The following FMO2 variants were observed in gnomAD, a reference collection of about 807,000 sequenced individuals.
The protein encoded by FMO2 is flavin containing dimethylaniline monoxygenase 2, also known as flavin-containing monooxygenase 2.
Under a neutral mutation model 41.6 loss-of-function variants are expected in FMO2, and 33 were observed. The observed-to-expected ratio is 0.79, with a 90% CI of 0.60 to 1.06. FMO2 has a LOEUF of 1.06. Ranked by LOEUF, FMO2 falls within the 50% of genes least tolerant of loss-of-function variation. The probability of loss-of-function intolerance (pLI) is 0.00; values close to 1 mark genes in which losing one functional copy is unlikely to be tolerated. For missense variants in FMO2, 619 were observed against 632.9 expected, an observed-to-expected ratio of 0.98 and a Z score of 0.23; for synonymous variants, 214 against 219.6, an observed-to-expected ratio of 0.97 and a Z score of 0.23.
intron 5 of FMO2, among the ~76,000 whole-genome samples, chr1:171,201,912 A>G (rs1022855316): frequency 3.9e-5 from 6 of 152,146 alleles, no homozygotes; most frequent in African/African-American, 1.4e-4. Flanking sequence ...AACCTCCCCC[A>G]TGACTGAATT....
At chr1:171,189,659 C>T (rs60680424) in intron 2 of FMO2, among the ~76,000 whole-genome samples, 34,226 of 120,224 alleles carry the variant, frequency 0.28, 5,382 homozygotes, top group East Asian at 0.46. Context: ...TTTTTCTTTT[C>T]TTTTTTTTTT....
intron 2 of FMO2, among the ~76,000 whole-genome samples, chr1:171,192,832 T>C (rs1364898057): frequency 2.0e-5 from 3 of 151,926 alleles, no homozygotes; most frequent in East Asian, 1.9e-4. Context: ...TTGACAATGA[T>C]TGATTTGTGT....
intron 3 of FMO2, 127 bp downstream of exon 3, chr1:171,193,650 A>G: frequency 1.5e-6 from 1 of 669,418 alleles, no homozygotes; most frequent in Non-Finnish European, 2.5e-6. Context: ...TTGAAATATA[A>G]CAGCCTCATA....
chr1:171,193,791 T>TTC (rs1553238038), intron 3 of FMO2, among the ~76,000 whole-genome samples: 38 of 149,504 alleles, frequency 2.5e-4, no homozygotes, highest in South Asian at 4.3e-4. Flanking sequence ...TTTTTTTTTT[T>TTC]CTCCCTGAGA....
chr1:171,205,463 C>T lies in FMO2; in HGVS notation c.1012C>T (p.Leu338Phe), dbSNP rs1658719314. Reference sequence around the variant, plus strand: ...AGGATATAGTTTCTCTTTTCCCTTCCTTGAAGATTCACTCGTTAAAGTAGA... The same window carrying T: ...AGGATATAGTTTCTCTTTTCCCTTCTTTGAAGATTCACTCGTTAAAGTAGA... Reference protein sequence around the residue: ...ATGYSFSFPFLEDSLVKVENN... With the variant: ...ATGYSFSFPFFEDSLVKVENN... Residue 338 changes from leucine (L) to phenylalanine (F), a missense_variant, in exon 7 of 9, where the codon CTT (leucine) becomes TTT (phenylalanine). Transcript: ENST00000209929. 2.5e-6 allele frequency: 4 copies of T among 1,613,718 alleles called. No individual in the cohort carries two copies. Among genetic ancestry groups the T allele is most frequent in the Admixed American group, 1.7e-5 (1 of 59,922 alleles).
intron 2 of FMO2, chr1:171,186,180 T>C (rs1348872720): frequency 5.8e-6 from 1 of 171,160 alleles, no homozygotes; most frequent in Admixed American, 5.8e-5. Context: ...TCTCAAGATA[T>C]CACTTCTGTT....
chr1:171,198,274 T>C (rs745655421), intron 4 of FMO2, among the ~76,000 whole-genome samples: 3 of 152,220 alleles, frequency 2.0e-5, no homozygotes, highest in African/African-American at 4.8e-5. Flanking sequence ...CCAACTCCTA[T>C]GTGCCTGGTT....
chr1:171,188,403 A>G (rs1296698801), intron 2 of FMO2, among the ~76,000 whole-genome samples: 2 of 152,232 alleles, frequency 1.3e-5, no homozygotes, highest in South Asian at 2.1e-4. Flanking sequence ...GGTTAAGTAT[A>G]TAACTGTGGA....
chr1:171,194,235 T>A (rs2101988944), intron 3 of FMO2, among the ~76,000 whole-genome samples: 1 of 152,354 alleles, frequency 6.6e-6, no homozygotes, highest in South Asian at 2.1e-4. Flanking sequence ...AATTCATTGG[T>A]CTCTGTTCAT....
At chr1:171,208,216 T>C (rs1658843775) in intron 8 of FMO2, among the ~76,000 whole-genome samples, 1 of 152,134 alleles carries the variant, frequency 6.6e-6, no homozygotes, top group Non-Finnish European at 1.5e-5. Context: ...AGGAAGGGGT[T>C]GGTGTGAAGG....
Position 171,211,872 on chromosome 1 carries a change from C to T in FMO2, c.*2727C>T, listed in dbSNP as rs1240843480. ...TCAACCTACTGAATGGAAATCTCTG[C>T]TGAAATCCACAGTTTTCATAAGCTC... On this transcript the variant is annotated 3_prime_UTR_variant, in exon 9 of 9. Transcript: ENST00000209929. 6.6e-6 allele frequency among the ~76,000 whole-genome samples: 1 copy of T among 152,184 alleles called. No homozygotes were observed. Among genetic ancestry groups the T allele is most frequent in the Non-Finnish European group, 1.5e-5 (1 of 68,026 alleles).
At chr1:171,202,030 C>T (rs923311520) in intron 5 of FMO2, among the ~76,000 whole-genome samples, 1 of 152,078 alleles carries the variant, frequency 6.6e-6, no homozygotes, top group Non-Finnish European at 1.5e-5. Context: ...TACTTCTGAC[C>T]AAAAACCAAA....
chr1:171,206,446 C>T (rs958866866), intron 7 of FMO2, among the ~76,000 whole-genome samples: 2 of 151,958 alleles, frequency 1.3e-5, no homozygotes, highest in African/African-American at 2.4e-5. Flanking sequence ...TAGAGCATGA[C>T]GTATGAGGCA....
intron 2 of FMO2, among the ~76,000 whole-genome samples, chr1:171,189,433 T>C (rs1225690645): frequency 6.6e-6 from 1 of 152,090 alleles, no homozygotes; most frequent in African/African-American, 2.4e-5. Flanking sequence ...GTATACCTTT[T>C]AGCTTGAAAG....
intron 5 of FMO2, among the ~76,000 whole-genome samples, chr1:171,202,964 ACAAGGTAAAGAATACACCT>A (rs1658593708): frequency 6.6e-6 from 1 of 152,174 alleles, no homozygotes; most frequent in South Asian, 2.1e-4. Flanking sequence ...ATCTTAATAA[ACAAGGTAAAGAATACACCT>A]GAAAGAGGAT....
chr1:171,185,955 T>G, intron 2 of FMO2, 110 bp downstream of exon 2: 1 of 1,168,064 alleles, frequency 8.6e-7, no homozygotes, highest in Non-Finnish European at 1.2e-6. Flanking sequence ...TGATCAGATT[T>G]TATTTCTACT....
chr1:171,203,710 CCTATTT>C (rs1658632012), intron 5 of FMO2, among the ~76,000 whole-genome samples, 149 bp from the exon 6 acceptor site: 1 of 152,108 alleles, frequency 6.6e-6, no homozygotes, highest in African/African-American at 2.4e-5. Context: ...ACTGGGTACC[CCTATTT>C]AGGAGGTACT....
At position 171,203,920 on chromosome 1, in the gene FMO2, G is replaced by T. The variant is rs962156531; in HGVS notation, c.683G>T (p.Gly228Val). ...TWVMSRISEDGYPWDSVFHTR... is the reference protein window; with the variant it reads ...TWVMSRISEDVYPWDSVFHTR... ...GTCATGAGCCGTATCTCTGAAGATGGCTATCCTTGGGACTCAGTGTTCCAC... is the reference window on the plus strand; with the variant it reads ...GTCATGAGCCGTATCTCTGAAGATGTCTATCCTTGGGACTCAGTGTTCCAC... Residue 228 changes from glycine to valine, a missense_variant, in exon 6 of 9, where the codon GGC (glycine) becomes GTC (valine). Transcript: ENST00000209929. 1 of 1,613,640 alleles carries T rather than the reference G, an allele frequency of 6.2e-7. No homozygotes were observed. Among genetic ancestry groups the T allele is most frequent in the Admixed American group, 1.7e-5 (1 of 59,950 alleles).
In FMO2 at chr1:171,193,321, AT is replaced by A; in HGVS notation, c.133-11del. ...ATGCGTAATTATCACTAATTATTTT[AT>A]TTGATCCTTCAGGAGAATGTGGAAG... On this transcript the variant is annotated splice_polypyrimidine_tract_variant and intron_variant, in intron 2 of 8. Transcript: ENST00000209929. 1.9e-6 allele frequency: 3 copies of A among 1,572,120 alleles called. No individual in the cohort carries two copies. Among genetic ancestry groups the A allele is most frequent in the Non-Finnish European group, 2.6e-6 (3 of 1,159,490 alleles).
Sources: allele counts gnomAD v4.1 joint callset (sites outside exome capture counted in the v4.1 genomes callset), GRCh38; gene constraint gnomAD v4.1.1; transcripts MANE v1.5; gene names NCBI Gene and HGNC (gene_info 2026-07-23, HGNC 2026-07-21).